EPHB1: variants seen among roughly 807,000 people sequenced by gnomAD.
EPHB1 encodes the protein ephrin type-B receptor 1.
Under a neutral mutation model 94.4 loss-of-function variants are expected in EPHB1, and 30 were observed. The ratio of observed to expected loss-of-function variants is 0.32; its 90% CI spans 0.24 to 0.43. The LOEUF is 0.43. EPHB1 is among the 20% of genes least tolerant of loss of function. The probability of loss-of-function intolerance (pLI) is 1.00; values close to 1 mark genes in which losing one functional copy is unlikely to be tolerated. For missense variants in EPHB1, 1,055 were observed against 1,308.3 expected (o/e 0.81, Z 2.99); for synonymous variants, 522 against 489.1 (o/e 1.07, Z -0.89).
chr3:134,809,382 TA>T (rs1553852866), intron 1 of EPHB1, among the ~76,000 whole-genome samples: 61 of 139,498 alleles, frequency 4.4e-4, no homozygotes, highest in Admixed American at 2.2e-3. Context: ...TTTTTTTTTT[TA>T]AAAAAACACA....
intron 3 of EPHB1, among the ~76,000 whole-genome samples, chr3:135,050,489 C>T (rs1018702737): frequency 5.9e-5 from 9 of 152,160 alleles, no homozygotes; most frequent in East Asian, 3.8e-4. Context: ...TCATCCTCTT[C>T]GTGTGGGAAG....
intron 10 of EPHB1, among the ~76,000 whole-genome samples, chr3:135,190,621 T>G (rs1324700546): frequency 6.6e-6 from 1 of 152,162 alleles, no homozygotes; most frequent in Admixed American, 6.5e-5. Context: ...TAAATTTTAC[T>G]CATTTTAATT....
At chr3:134,871,432 A>G (rs2037497718) in intron 1 of EPHB1, among the ~76,000 whole-genome samples, 1 of 152,148 alleles carries the variant, frequency 6.6e-6, no homozygotes, top group Non-Finnish European at 1.5e-5. Flanking sequence ...GTGAGGGGAA[A>G]GAACTGCAAG....
intron 12 of EPHB1, among the ~76,000 whole-genome samples, chr3:135,232,990 AG>A (rs1191676577): frequency 6.6e-6 from 1 of 152,200 alleles, no homozygotes; most frequent in Non-Finnish European, 1.5e-5. Context: ...TACAACACAC[AG>A]GGATCATGGG....
intron 15 of EPHB1, among the ~76,000 whole-genome samples, chr3:135,257,378 T>A (rs1422944378): frequency 6.6e-6 from 1 of 151,938 alleles, no homozygotes; most frequent in Non-Finnish European, 1.5e-5. Context: ...ATGATGGTGA[T>A]GTACAGATGG....
At chr3:134,834,807 C>A (rs1413081813) in intron 1 of EPHB1, among the ~76,000 whole-genome samples, 1 of 152,206 alleles carries the variant, frequency 6.6e-6, no homozygotes. Context: ...TAGACATAAT[C>A]TCCACCAGAG....
intron 12 of EPHB1, among the ~76,000 whole-genome samples, chr3:135,227,327 A>G (rs561971918): frequency 6.6e-6 from 1 of 152,376 alleles, no homozygotes; most frequent in African/African-American, 2.4e-5. Context: ...CAAAGTAAAA[A>G]GTGAAACTGA....
chr3:134,890,524 T>C (rs901700280), intron 1 of EPHB1, among the ~76,000 whole-genome samples: 19 of 152,238 alleles, frequency 1.2e-4, no homozygotes, highest in Non-Finnish European at 8.8e-5. Context: ...TTCTCTTGGC[T>C]GTCTTGGGCA....
chr3:134,868,970 A>G (rs1391026470), intron 1 of EPHB1, among the ~76,000 whole-genome samples: 2 of 152,224 alleles, frequency 1.3e-5, no homozygotes, highest in Non-Finnish European at 2.9e-5. Context: ...CTGAGACAAG[A>G]GTAATTGGAT....
chr3:135,251,733 C>T (rs966581336), intron 15 of EPHB1, among the ~76,000 whole-genome samples: 2 of 152,232 alleles, frequency 1.3e-5, no homozygotes, highest in Non-Finnish European at 2.9e-5. Context: ...GACTGACTAC[C>T]AGCTGAAAAG....
chr3:135,084,793 G>T (rs1383842749), intron 3 of EPHB1, among the ~76,000 whole-genome samples: 1 of 152,160 alleles, frequency 6.6e-6, no homozygotes, highest in African/African-American at 2.4e-5. Context: ...AATAAAAGAA[G>T]CTTACAAAAG....
At chr3:134,901,689 G>A (rs2038207564) in intron 1 of EPHB1, among the ~76,000 whole-genome samples, 1 of 152,252 alleles carries the variant, frequency 6.6e-6, no homozygotes, top group African/African-American at 2.4e-5. Flanking sequence ...CAAGGCAAAG[G>A]AAGCCATGGG....
intron 1 of EPHB1, among the ~76,000 whole-genome samples, chr3:134,814,640 A>G (rs1025797479): frequency 1.3e-5 from 2 of 152,222 alleles, no homozygotes; most frequent in Non-Finnish European, 2.9e-5. Flanking sequence ...GGGAACCTGC[A>G]GAAAAGCCTT....
intron 3 of EPHB1, among the ~76,000 whole-genome samples, chr3:135,070,570 G>A (rs1937670170): frequency 6.6e-6 from 1 of 152,182 alleles, no homozygotes; most frequent in South Asian, 2.1e-4. Context: ...CAAGGCCACT[G>A]TGCAAAATGA....
At chr3:135,192,504 A>C in intron 10 of EPHB1, 72 bp from the exon 11 acceptor site, 1 of 1,557,970 alleles carries the variant, frequency 6.4e-7, no homozygotes, top group Non-Finnish European at 8.7e-7. Flanking sequence ...ATTGTTCTCC[A>C]TTAGATGACT....
At chr3:135,002,560 A>G (rs2107743681) in intron 3 of EPHB1, among the ~76,000 whole-genome samples, 1 of 151,790 alleles carries the variant, frequency 6.6e-6, no homozygotes, top group East Asian at 1.9e-4. Context: ...TACCTCTGGT[A>G]GAATTTGGCT....
intron 11 of EPHB1, among the ~76,000 whole-genome samples, chr3:135,200,131 C>T (rs1181632953): frequency 6.6e-6 from 1 of 152,300 alleles, no homozygotes; most frequent in Middle Eastern, 3.4e-3. Flanking sequence ...TAATTCTCAG[C>T]CCTTTGGGGA....
chr3:135,057,720 G>A (rs1363871209), intron 3 of EPHB1, among the ~76,000 whole-genome samples: 1 of 152,156 alleles, frequency 6.6e-6, no homozygotes, highest in Non-Finnish European at 1.5e-5. Flanking sequence ...TCATAGGTAT[G>A]TGTATACATA....
At chr3:134,947,599 A>G (rs2039238202) in intron 2 of EPHB1, among the ~76,000 whole-genome samples, 1 of 152,308 alleles carries the variant, frequency 6.6e-6, no homozygotes, top group South Asian at 2.1e-4. Flanking sequence ...AATCAATTAG[A>G]TCTGTAGAAT....
Sources: allele counts gnomAD v4.1 joint callset (sites outside exome capture counted in the v4.1 genomes callset), GRCh38; gene constraint gnomAD v4.1.1; transcripts MANE v1.5; gene names NCBI Gene and HGNC (gene_info 2026-07-23, HGNC 2026-07-21).